UBE2E2: variants seen among roughly 807,000 people sequenced by gnomAD.
The protein encoded by UBE2E2 is ubiquitin conjugating enzyme E2 E2, also known as ubiquitin-conjugating enzyme E2 E2.
Under a neutral mutation model 24.7 loss-of-function variants are expected in UBE2E2, and 6 were observed. The observed-to-expected ratio is 0.24, with a 90% CI of 0.13 to 0.48. The LOEUF (loss-of-function observed/expected upper bound fraction) is 0.48. Ranked by LOEUF, UBE2E2 falls within the 20% of genes least tolerant of loss-of-function variation. UBE2E2 has a pLI of 0.99. For synonymous variants in UBE2E2, 104 were observed against 83.6 expected (o/e 1.24, Z -1.33); for missense variants, 169 against 245.0 (o/e 0.69, Z 2.07).
At chr3:23,557,438 G>A (rs899499307) in intron 5 of UBE2E2, among the ~76,000 whole-genome samples, 4 of 152,096 alleles carry the variant, frequency 2.6e-5, no homozygotes, top group African/African-American at 9.7e-5. Context: ...GGTACAAGAC[G>A]GGAACCAACC....
intron 4 of UBE2E2, among the ~76,000 whole-genome samples, chr3:23,502,602 A>G (rs1407642811): frequency 1.3e-5 from 2 of 152,170 alleles, no homozygotes; most frequent in African/African-American, 2.4e-5. Flanking sequence ...AACACCCTAT[A>G]TTCCACTGCC....
intron 5 of UBE2E2, among the ~76,000 whole-genome samples, chr3:23,578,432 AT>A: frequency 6.6e-6 from 1 of 152,360 alleles, no homozygotes; most frequent in South Asian, 2.1e-4. Context: ...TACTGGGTGT[AT>A]ACCCAAAGGA....
intron 3 of UBE2E2, among the ~76,000 whole-genome samples, chr3:23,489,654 C>G (rs867992449): frequency 6.6e-6 from 1 of 152,110 alleles, no homozygotes; most frequent in African/African-American, 2.4e-5. Context: ...GCGAGTAATG[C>G]GAACAATGGG....
intron 5 of UBE2E2, among the ~76,000 whole-genome samples, chr3:23,571,570 G>A (rs1455813188): frequency 1.3e-5 from 2 of 151,920 alleles, no homozygotes; most frequent in African/African-American, 4.8e-5. Flanking sequence ...TTACAGGCGT[G>A]AGCCATCACG....
At chr3:23,319,462 G>C (rs1393244107) in intron 3 of UBE2E2, among the ~76,000 whole-genome samples, 2 of 152,090 alleles carry the variant, frequency 1.3e-5, no homozygotes, top group African/African-American at 4.8e-5. Context: ...AGTGTTGATT[G>C]TGTGCCAGAT....
chr3:23,223,871 C>T (rs1696736694), intron 3 of UBE2E2, among the ~76,000 whole-genome samples: 1 of 151,992 alleles, frequency 6.6e-6, no homozygotes, highest in Non-Finnish European at 1.5e-5. Context: ...TATAGTTATC[C>T]AGTTTTCCCA....
chr3:23,271,025 C>T lies in UBE2E2; in HGVS notation c.227+53713C>T, dbSNP rs146690241. The stretch of plus-strand genomic sequence containing the variant: ...GGAAGGAGCAGACTTCATCTTACTT[C>T]TATTCATTTCTCAATTAACTATGAC... On this transcript the variant is annotated intron_variant, in intron 3 of 5. Transcript: ENST00000396703. The T allele has an allele frequency of 3.5e-3, 1,584 of 456,684 alleles. 17 individuals carry two copies. Among genetic ancestry groups the T allele is most frequent in the African/African-American group, 0.028 (1,421 of 50,182 alleles). The allele number at this position is 456,684 out of a possible 1,614,324, so 28.3% of individuals were successfully genotyped here.
chr3:23,308,627 CTA>C (rs918261449), intron 3 of UBE2E2, among the ~76,000 whole-genome samples: 31 of 152,036 alleles, frequency 2.0e-4, no homozygotes, highest in African/African-American at 7.2e-4. Flanking sequence ...TCAAAATTTG[CTA>C]TGTTTTGGAT....
chr3:23,469,828 C>G (rs1161662479), intron 3 of UBE2E2, among the ~76,000 whole-genome samples: 2 of 152,214 alleles, frequency 1.3e-5, no homozygotes, highest in Non-Finnish European at 2.9e-5. Context: ...TTGAAGTCCT[C>G]TGATTTCTAA....
At chr3:23,486,473 A>G (rs1377868148) in intron 3 of UBE2E2, among the ~76,000 whole-genome samples, 2 of 152,038 alleles carry the variant, frequency 1.3e-5, no homozygotes, top group Non-Finnish European at 2.9e-5. Context: ...TGGCAAATGG[A>G]GGAAAGCATG....
chr3:23,232,140 A>G (rs1223628994), intron 3 of UBE2E2, among the ~76,000 whole-genome samples: 1 of 152,178 alleles, frequency 6.6e-6, no homozygotes, highest in African/African-American at 2.4e-5. Context: ...AAACCCTCTA[A>G]TCATGCTTTG....
At chr3:23,314,672 G>A (rs1343131868) in intron 3 of UBE2E2, among the ~76,000 whole-genome samples, 2 of 152,154 alleles carry the variant, frequency 1.3e-5, no homozygotes, top group Admixed American at 6.6e-5. Context: ...TTTTGTTTGG[G>A]AGAGTCTTTA....
chr3:23,425,015 A>G (rs991865324), intron 3 of UBE2E2, among the ~76,000 whole-genome samples: 1 of 152,184 alleles, frequency 6.6e-6, no homozygotes, highest in Non-Finnish European at 1.5e-5. Flanking sequence ...AAAGTAGAAA[A>G]TTAGTATAAT....
intron 3 of UBE2E2, among the ~76,000 whole-genome samples, chr3:23,448,594 T>A (rs1225457468): frequency 6.6e-6 from 1 of 152,230 alleles, no homozygotes; most frequent in Non-Finnish European, 1.5e-5. Context: ...ACTTGGGATC[T>A]AGATATTTTC....
At chr3:23,346,307 T>C (rs1459757730) in intron 3 of UBE2E2, among the ~76,000 whole-genome samples, 2 of 152,240 alleles carry the variant, frequency 1.3e-5, no homozygotes, top group Non-Finnish European at 2.9e-5. Context: ...ATCGTTAATA[T>C]CCTAGATAGT....
intron 3 of UBE2E2, among the ~76,000 whole-genome samples, chr3:23,417,520 A>T (rs190185381): frequency 3.3e-5 from 5 of 152,194 alleles, no homozygotes; most frequent in African/African-American, 1.2e-4. Flanking sequence ...GTCAGGAGGC[A>T]TGGGGGTTGG....
At chr3:23,460,327 C>G (rs553026824) in intron 3 of UBE2E2, among the ~76,000 whole-genome samples, 1 of 152,354 alleles carries the variant, frequency 6.6e-6, no homozygotes, top group South Asian at 2.1e-4. Flanking sequence ...TGAAAATGCG[C>G]TTTTTGCCTA....
chr3:23,487,295 G>A (rs1292617625), intron 3 of UBE2E2, among the ~76,000 whole-genome samples: 1 of 152,188 alleles, frequency 6.6e-6, no homozygotes, highest in African/African-American at 2.4e-5. Context: ...AGCCTGCAGG[G>A]GCAGGGGGCT....
Position 23,488,381 on chromosome 3 carries a change from G to T in UBE2E2, c.228-11227G>T, listed in dbSNP as rs575739813. On this transcript the variant is annotated intron_variant, in intron 3 of 5. Coordinates refer to ENST00000396703, the MANE Select transcript of UBE2E2 (RefSeq NM_152653.4). ...AAGCCCCCTACCGCCCCGCCGACAG[G>T]CCCCGATGTGTGATGTTCCCCTCCC... 3.9e-5 allele frequency among the ~76,000 whole-genome samples: 6 copies of T among 152,000 alleles called. No individual in the cohort carries two copies. In the South Asian group the frequency reaches 1.2e-3, roughly 32 times the overall value.
Sources: allele counts gnomAD v4.1 joint callset (sites outside exome capture counted in the v4.1 genomes callset), GRCh38; gene constraint gnomAD v4.1.1; transcripts MANE v1.5; gene names NCBI Gene and HGNC (gene_info 2026-07-23, HGNC 2026-07-21).